Variants in CELF4 observed in about 807,000 individuals in gnomAD.
CELF4 encodes the protein CUG-BP- and ETR-3-like factor 4.
A neutral mutation model predicts 59.9 loss-of-function variants in CELF4; 18 were observed. That is an observed-to-expected ratio of 0.30 (90% CI 0.21 to 0.45). The LOEUF (loss-of-function observed/expected upper bound fraction) is 0.45, where lower values mean the gene tolerates loss of function less well. CELF4 is among the 20% of genes least tolerant of loss of function. CELF4 has a pLI of 1.00. For synonymous variants in CELF4, 261 were observed against 267.1 expected (o/e 0.98, Z 0.22); for missense variants, 456 against 689.0 (o/e 0.66, Z 3.79).
chr18:37,367,927 C>T (rs766401030), intron 2 of CELF4, among the ~76,000 whole-genome samples: 18 of 152,196 alleles, frequency 1.2e-4, no homozygotes, highest in Non-Finnish European at 2.4e-4. Flanking sequence ...GTTAACACCC[C>T]CCACACCCAG....
chr18:37,302,134 C>T (rs1198205238), intron 3 of CELF4, among the ~76,000 whole-genome samples: 2 of 152,194 alleles, frequency 1.3e-5, no homozygotes, highest in Non-Finnish European at 2.9e-5. Flanking sequence ...TAATAAAACT[C>T]CCAAGAATAC....
At chr18:37,361,994 G>C (rs1223841207) in intron 2 of CELF4, among the ~76,000 whole-genome samples, 1 of 152,130 alleles carries the variant, frequency 6.6e-6, no homozygotes, top group Non-Finnish European at 1.5e-5. Context: ...GTGGGAAGCG[G>C]ACGGTCAGAG....
At chr18:37,377,998 C>T (rs891295885) in intron 2 of CELF4, among the ~76,000 whole-genome samples, 2 of 152,118 alleles carry the variant, frequency 1.3e-5, no homozygotes, top group African/African-American at 4.8e-5. Context: ...GGACCTTCTC[C>T]TCCTCCCTGC....
chr18:37,423,926 C>G (rs1240980704), intron 2 of CELF4, among the ~76,000 whole-genome samples: 2 of 152,066 alleles, frequency 1.3e-5, no homozygotes, highest in Non-Finnish European at 2.9e-5. Context: ...CATGCCATCT[C>G]TTCCTCATCT....
chr18:37,282,141 T>C (rs2094218860), intron 3 of CELF4, among the ~76,000 whole-genome samples: 1 of 152,170 alleles, frequency 6.6e-6, no homozygotes, highest in South Asian at 2.1e-4. Flanking sequence ...AAGTGCCAGT[T>C]ATTGTGAATG....
chr18:37,286,301 T>C (rs2094758951), intron 3 of CELF4, among the ~76,000 whole-genome samples: 1 of 152,190 alleles, frequency 6.6e-6, no homozygotes, highest in Admixed American at 6.5e-5. Context: ...GGGGGCTCGT[T>C]AGCTGGGCGC....
chr18:37,494,291 GT>G (rs2099922377), intron 1 of CELF4, among the ~76,000 whole-genome samples: 1 of 152,186 alleles, frequency 6.6e-6, no homozygotes, highest in Non-Finnish European at 1.5e-5. Flanking sequence ...TTGATGGCCT[GT>G]CCCCCTTTTC....
rs28507865 is a variant in CELF4, at chr18:37,275,028, T to C, written c.577+87A>G. On this transcript the variant is annotated intron_variant, in intron 4 of 12. Transcript: ENST00000420428. ...CAAGAAGCCCAGAGACAGACGGCGA[T>C]GGCCCCGGAGACTCAGAGGAGCCCT... 19,622 of 1,552,978 alleles carry C rather than the reference T, an allele frequency of 0.013. 1,976 individuals carry two copies. In the African/African-American group the frequency reaches 0.23, roughly 18 times the overall value.
rs1224745877 is a variant in CELF4 at position 37,307,704 on chromosome 18, G to A, written c.448+14099C>T. ...GATGGGCCTCATGGTACAAGCACAA[G>A]GAGGCTGTGGGGCCTGGTGGCCAGC... On this transcript the variant is annotated intron_variant, in intron 3 of 12. Coordinates refer to ENST00000420428, the MANE Select transcript of CELF4 (RefSeq NM_020180.4). Among the ~76,000 whole-genome samples the A allele has an allele frequency of 2.0e-5, 3 of 152,128 alleles. No individual in the cohort carries two copies. In the East Asian group the frequency reaches 5.8e-4, roughly 30 times the overall value.
At chr18:37,497,966 T>A (rs2099927069) in intron 1 of CELF4, among the ~76,000 whole-genome samples, 1 of 152,080 alleles carries the variant, frequency 6.6e-6, no homozygotes, top group African/African-American at 2.4e-5. Flanking sequence ...ATAGAGCCAG[T>A]GTGTGAGATG....
intron 2 of CELF4, among the ~76,000 whole-genome samples, chr18:37,356,343 G>C (rs930835438): frequency 1.3e-5 from 2 of 152,174 alleles, no homozygotes; most frequent in African/African-American, 4.8e-5. Flanking sequence ...GTAATTGAAG[G>C]GAGAGTGACA....
intron 2 of CELF4, among the ~76,000 whole-genome samples, chr18:37,475,807 A>C (rs939509530): frequency 1.3e-5 from 2 of 152,158 alleles, no homozygotes; most frequent in Non-Finnish European, 2.9e-5. Flanking sequence ...CAATTCCAGG[A>C]GGAAAATTCA....
chr18:37,251,622 C>T (rs1010061817), intron 12 of CELF4, among the ~76,000 whole-genome samples: 26 of 152,188 alleles, frequency 1.7e-4, no homozygotes, highest in African/African-American at 5.5e-4. Context: ...AGAGGACAAG[C>T]ACCCTAACCC....
chr18:37,472,675 G>A lies in CELF4; in HGVS notation c.369+12850C>T, dbSNP rs576868848. 6.6e-5 allele frequency among the ~76,000 whole-genome samples: 10 copies of A among 152,354 alleles called. No individual in the cohort carries two copies. In the South Asian group the frequency reaches 2.1e-3, roughly 32 times the overall value. On this transcript the variant is annotated intron_variant, in intron 2 of 12. Transcript: ENST00000420428. ...CCAAGGTCACACAGCTCAGAGTGGT[G>A]GAGCTGGGATTGGAGGCTAGGTTGT... is the stretch of plus-strand genomic sequence containing the variant.
intron 2 of CELF4, among the ~76,000 whole-genome samples, chr18:37,342,332 C>A (rs957602532): frequency 1.3e-5 from 2 of 152,188 alleles, no homozygotes; most frequent in South Asian, 4.2e-4. Flanking sequence ...GTCCCTAGGG[C>A]CCCATAAAGA....
At chr18:37,434,208 T>C (rs769958467) in intron 2 of CELF4, among the ~76,000 whole-genome samples, 1 of 151,928 alleles carries the variant, frequency 6.6e-6, no homozygotes. Context: ...AGAGAAGCAA[T>C]GTTTCAAGGC....
At chr18:37,328,349 G>A (rs561608450) in intron 2 of CELF4, among the ~76,000 whole-genome samples, 2 of 152,208 alleles carry the variant, frequency 1.3e-5, no homozygotes, top group Non-Finnish European at 2.9e-5. Context: ...TGGGGAGAGG[G>A]AGGATAGGCG....
chr18:37,339,241 G>A (rs1203662824), intron 2 of CELF4, among the ~76,000 whole-genome samples: 1 of 152,212 alleles, frequency 6.6e-6, no homozygotes. Flanking sequence ...GGATAATGAT[G>A]ATAAATTTTA....
At chr18:37,336,490 G>A (rs900496336) in intron 2 of CELF4, among the ~76,000 whole-genome samples, 2 of 152,190 alleles carry the variant, frequency 1.3e-5, no homozygotes, top group East Asian at 3.9e-4. Flanking sequence ...CCTATCCTGT[G>A]TAGTTCTTAG....
Sources: gnomAD v4.1 joint callset for allele counts (sites outside exome capture counted in the v4.1 genomes callset) on GRCh38, gnomAD v4.1.1 for gene constraint, MANE v1.5 for transcripts, NCBI Gene and HGNC (gene_info 2026-07-23, HGNC 2026-07-21) for gene names.